The following PTPRS variants were observed in gnomAD, a reference collection of about 807,000 sequenced individuals.
The protein encoded by PTPRS is receptor-type tyrosine-protein phosphatase S.
Under a neutral mutation model 215.3 loss-of-function variants are expected in PTPRS, and 63 were observed. The ratio of observed to expected loss-of-function variants is 0.29; its 90% CI spans 0.24 to 0.36. The LOEUF is 0.36. Ranked by LOEUF, PTPRS falls within the 10% of genes least tolerant of loss-of-function variation. The probability of loss-of-function intolerance (pLI) is 1.00; values close to 1 mark genes in which losing one functional copy is unlikely to be tolerated. For synonymous variants in PTPRS, 1,404 were observed against 1,191.4 expected (o/e 1.18, Z -3.68); for missense variants, 2,258 against 2,825.8 (o/e 0.80, Z 4.56).
chr19:5,243,087 G>A (rs2044179779), intron 11 of PTPRS, among the ~76,000 whole-genome samples: 1 of 151,838 alleles, frequency 6.6e-6, no homozygotes, highest in Non-Finnish European at 1.5e-5. Flanking sequence ...TTGAGTAGCT[G>A]GGACTACAGG....
chr19:5,247,763 C>T (rs1021380110), intron 9 of PTPRS, among the ~76,000 whole-genome samples: 13 of 152,016 alleles, frequency 8.6e-5, no homozygotes, highest in Admixed American at 7.9e-4. Flanking sequence ...CAACTCCCTC[C>T]CTTCCAGCCT....
At chr19:5,312,431 A>G (rs1266107689) in intron 1 of PTPRS, among the ~76,000 whole-genome samples, 1 of 151,982 alleles carries the variant, frequency 6.6e-6, no homozygotes, top group Non-Finnish European at 1.5e-5. Context: ...AGGTTGAGGC[A>G]GGAGGATTGC....
Position 5,243,785 on chromosome 19 carries a change from G to T in PTPRS, c.1570+116C>A, listed in dbSNP as rs1287381028. 3.0e-6 allele frequency: 3 copies of T among 983,928 alleles called. No individual in the cohort carries two copies. The Admixed American group carries it at 1.0e-4, about 33-fold the overall frequency. 60.9% of individuals were successfully genotyped at this position (983,928 alleles called of 1,614,324 possible). A position where few individuals can be genotyped will look rare whatever the true frequency, so the allele number is the denominator to read the frequency against. ...CCACACCCGGCCTAAATGCTAGCAT[G>T]AAAATATCTTAAAGCACCGTGCATA... On this transcript the variant is annotated intron_variant, in intron 11 of 37. Transcript: ENST00000262963.
intron 1 of PTPRS, among the ~76,000 whole-genome samples, chr19:5,306,334 G>A (rs1461960711): frequency 2.0e-5 from 3 of 151,944 alleles, no homozygotes; most frequent in African/African-American, 7.3e-5. Context: ...TAGTAGAGAC[G>A]GGGTTTCACC....
intron 7 of PTPRS, among the ~76,000 whole-genome samples, chr19:5,260,534 G>A (rs1300205967): frequency 6.6e-6 from 1 of 151,976 alleles, no homozygotes; most frequent in African/African-American, 2.4e-5. Flanking sequence ...CACTCTGGGG[G>A]TCTTGCCAGG....
At chr19:5,215,462 C>A in intron 27 of PTPRS, 36 bp downstream of exon 27, 1 of 1,566,126 alleles carries the variant, frequency 6.4e-7, no homozygotes, top group South Asian at 1.1e-5. Flanking sequence ...CCTGTGAGGC[C>A]GAGGTGATGA....
chr19:5,233,981 A>G (rs183779570), intron 13 of PTPRS, among the ~76,000 whole-genome samples: 2,252 of 134,106 alleles, frequency 0.017, 64 homozygotes, highest in African/African-American at 0.057. Flanking sequence ...AAAAAAATCT[A>G]TATGTCACAC....
intron 1 of PTPRS, among the ~76,000 whole-genome samples, chr19:5,306,731 A>T (rs1427615301): frequency 1.3e-5 from 2 of 152,134 alleles, no homozygotes; most frequent in Non-Finnish European, 2.9e-5. Flanking sequence ...TGTCCAGTGA[A>T]GGGCAGCTGG....
intron 1 of PTPRS, among the ~76,000 whole-genome samples, chr19:5,317,956 G>A (rs1267149608): frequency 6.6e-6 from 1 of 152,186 alleles, no homozygotes; most frequent in East Asian, 1.9e-4. Context: ...CGGACCATGA[G>A]GTCAGGAGAT....
At chr19:5,260,307 G>C (rs1599757332) in intron 7 of PTPRS, among the ~76,000 whole-genome samples, 1 of 151,650 alleles carries the variant, frequency 6.6e-6, no homozygotes, top group African/African-American at 2.4e-5. Flanking sequence ...AGCCTCCTGA[G>C]TAGCTGGGAT....
chr19:5,325,713 C>T (rs1345768403), intron 1 of PTPRS, among the ~76,000 whole-genome samples: 2 of 152,272 alleles, frequency 1.3e-5, no homozygotes, highest in Non-Finnish European at 2.9e-5. Context: ...AGCCTCCTTC[C>T]TGCCTGCCGA....
intron 10 of PTPRS, among the ~76,000 whole-genome samples, chr19:5,245,122 G>A (rs1348417029): frequency 6.6e-6 from 1 of 151,084 alleles, no homozygotes; most frequent in Non-Finnish European, 1.5e-5. Context: ...TGGGATTACA[G>A]ATGTGCGCCA....
chr19:5,208,422 A>G, intron 35 of PTPRS, 31 bp from the exon 36 acceptor site: 1 of 1,515,032 alleles, frequency 6.6e-7, no homozygotes. Flanking sequence ...TCTTGTTATC[A>G]GGTCAGCAGC....
chr19:5,304,940 T>C (rs1039654892), intron 1 of PTPRS, among the ~76,000 whole-genome samples: 11 of 43,130 alleles, frequency 2.6e-4, no homozygotes, highest in African/African-American at 1.3e-3. Flanking sequence ...CTGAGGGACA[T>C]GGGGGGCTGG....
intron 1 of PTPRS, among the ~76,000 whole-genome samples, chr19:5,316,103 G>C (rs539454621): frequency 6.6e-5 from 10 of 151,922 alleles, no homozygotes; most frequent in Admixed American, 3.9e-4. Flanking sequence ...ATTTTCTGTA[G>C]AGACAGGGTC....
At chr19:5,262,921 G>A (rs1416108275) in intron 6 of PTPRS, 43 bp downstream of exon 6, 5 of 1,554,820 alleles carry the variant, frequency 3.2e-6, no homozygotes, top group Non-Finnish European at 4.4e-6. Flanking sequence ...GCACAAAGGG[G>A]ATGGGGCGTT....
At chr19:5,256,230 A>C in intron 8 of PTPRS, 111 bp from the exon 9 acceptor site, 1 of 810,660 alleles carries the variant, frequency 1.2e-6, no homozygotes, top group Non-Finnish European at 1.8e-6. Context: ...AAAAGCTGCA[A>C]TAGTTTGTTG....
At chr19:5,335,083 T>A (rs529515898) in intron 1 of PTPRS, among the ~76,000 whole-genome samples, 29 of 152,212 alleles carry the variant, frequency 1.9e-4, no homozygotes, top group African/African-American at 7.0e-4. Flanking sequence ...AAACTCTCAA[T>A]TACCCACGTG....
At chr19:5,320,095 C>T (rs2049984691) in intron 1 of PTPRS, among the ~76,000 whole-genome samples, 1 of 152,196 alleles carries the variant, frequency 6.6e-6, no homozygotes, top group Admixed American at 6.5e-5. Flanking sequence ...GCCAAAGCAG[C>T]CGCTGAGACC....
Sources: allele counts gnomAD v4.1 joint callset (sites outside exome capture counted in the v4.1 genomes callset), GRCh38; gene constraint gnomAD v4.1.1; transcripts MANE v1.5; gene names NCBI Gene and HGNC (gene_info 2026-07-23, HGNC 2026-07-21).